The following ATXN1 variants were observed in gnomAD, a reference collection of about 807,000 sequenced individuals.
ATXN1 encodes ataxin 1, also known as ataxin-1.
Under a neutral mutation model 56.4 loss-of-function variants are expected in ATXN1, and 8 were observed. The ratio of observed to expected loss-of-function variants is 0.14; its 90% CI spans 0.08 to 0.26. The LOEUF (loss-of-function observed/expected upper bound fraction) is 0.26. Ranked by LOEUF, ATXN1 falls within the 10% of genes least tolerant of loss-of-function variation. The pLI, the probability that ATXN1 is intolerant of heterozygous loss-of-function variation, is 1.00. For synonymous variants in ATXN1, 514 were observed against 494.6 expected (o/e 1.04, Z -0.52); for missense variants, 987 against 1,106.5 (o/e 0.89, Z 1.53).
intron 2 of ATXN1, among the ~76,000 whole-genome samples, chr6:16,732,388 T>C (rs1009638286): frequency 2.0e-5 from 3 of 152,110 alleles, no homozygotes; most frequent in African/African-American, 7.2e-5. Flanking sequence ...CTGGCCAACA[T>C]GGTGAAACCC....
At chr6:16,732,118 C>T (rs2113487307) in intron 2 of ATXN1, among the ~76,000 whole-genome samples, 1 of 152,130 alleles carries the variant, frequency 6.6e-6, no homozygotes, top group African/African-American at 2.4e-5. Context: ...GCTCTTTTTT[C>T]ATATTTGAAG....
chr6:16,666,241 T>C (rs1489726687), intron 2 of ATXN1, among the ~76,000 whole-genome samples: 1 of 152,218 alleles, frequency 6.6e-6, no homozygotes, highest in African/African-American at 2.4e-5. Flanking sequence ...GTGATATTTG[T>C]CTTTCTGTGC....
chr6:16,581,918 C>A (rs189801967), intron 4 of ATXN1, among the ~76,000 whole-genome samples: 16 of 152,324 alleles, frequency 1.1e-4, no homozygotes, highest in Non-Finnish European at 1.8e-4. Flanking sequence ...AAGTAAAAGA[C>A]TCATTTCACA....
intron 6 of ATXN1, among the ~76,000 whole-genome samples, chr6:16,409,756 C>T (rs184906810): frequency 1.5e-4 from 23 of 152,020 alleles, no homozygotes; most frequent in Middle Eastern, 3.4e-3. Context: ...AGCTTCCAGA[C>T]GTGCAGAATC....
intron 2 of ATXN1, among the ~76,000 whole-genome samples, chr6:16,701,773 A>G (rs2113438157): frequency 6.6e-6 from 1 of 152,352 alleles, no homozygotes; most frequent in East Asian, 1.9e-4. Context: ...AATCCAACTT[A>G]CAAGGGATGT....
intron 6 of ATXN1, among the ~76,000 whole-genome samples, chr6:16,476,946 C>T (rs1249217205): frequency 2.6e-5 from 4 of 152,188 alleles, no homozygotes; most frequent in Admixed American, 1.3e-4. Flanking sequence ...GCAATTATCT[C>T]GACTTGAGTG....
intron 4 of ATXN1, among the ~76,000 whole-genome samples, chr6:16,542,901 G>GGT (rs1318800614): frequency 6.6e-6 from 1 of 151,992 alleles, no homozygotes; most frequent in Non-Finnish European, 1.5e-5. Context: ...ATGTGAATGT[G>GGT]GTGTCTCTCT....
intron 6 of ATXN1, among the ~76,000 whole-genome samples, chr6:16,399,132 T>C (rs1328503840): frequency 6.6e-6 from 1 of 152,224 alleles, no homozygotes; most frequent in East Asian, 1.9e-4. Flanking sequence ...ATTTTTGAGA[T>C]TGTCAATGGA....
intron 2 of ATXN1, among the ~76,000 whole-genome samples, chr6:16,699,445 G>A (rs1027701073): frequency 2.6e-5 from 4 of 152,186 alleles, no homozygotes; most frequent in South Asian, 2.1e-4. Context: ...AAACATGTCC[G>A]GCTGAATTCA....
intron 6 of ATXN1, among the ~76,000 whole-genome samples, chr6:16,484,642 T>A (rs1018721650): frequency 5.3e-5 from 8 of 152,094 alleles, no homozygotes; most frequent in Non-Finnish European, 5.9e-5. Flanking sequence ...AGCTTCAGTG[T>A]CTCCCACTGT....
At chr6:16,660,728 C>A (rs1405030251) in intron 2 of ATXN1, among the ~76,000 whole-genome samples, 1 of 150,184 alleles carries the variant, frequency 6.7e-6, no homozygotes, top group Admixed American at 6.7e-5. Flanking sequence ...CTAAGTATAT[C>A]TTTATTCAAA....
chr6:16,661,454 T>C (rs185438613), intron 2 of ATXN1, among the ~76,000 whole-genome samples: 15 of 152,334 alleles, frequency 9.8e-5, no homozygotes, highest in Admixed American at 8.5e-4. Flanking sequence ...TAAGGGCTCA[T>C]TTGGTCTGAT....
At chr6:16,443,282 AAAAATGGT>A (rs1260509505) in intron 6 of ATXN1, among the ~76,000 whole-genome samples, 1 of 151,800 alleles carries the variant, frequency 6.6e-6, no homozygotes, top group Non-Finnish European at 1.5e-5. Context: ...AGATATGCCT[AAAAATGGT>A]AAAAAGGAGA....
In ATXN1 at chr6:16,327,678, A is replaced by ATGCTGATGCTGCTGC; in HGVS notation, c.618_632dup (p.Gln206_Gln210dup). ...GCTGCTGCTGCTGCTGCTGCTGCTG[A>ATGCTGATGCTGCTGC]TGCTGATGCTGCTGCTGCTGCTGCT... On this transcript the variant is annotated inframe_insertion, in exon 7 of 8. Transcript: ENST00000436367. 2 of 1,009,256 alleles carry ATGCTGATGCTGCTGC rather than the reference A, an allele frequency of 2.0e-6. No homozygotes were observed. The allele number at this position is 1,009,256 out of a possible 1,614,324, so 62.5% of individuals were successfully genotyped here.
intron 6 of ATXN1, among the ~76,000 whole-genome samples, chr6:16,425,582 A>G (rs1759136056): frequency 6.6e-6 from 1 of 152,228 alleles, no homozygotes; most frequent in Admixed American, 6.5e-5. Context: ...AAAACAATTC[A>G]GTTGTAATCT....
chr6:16,733,624 G>T (rs1760043710), intron 2 of ATXN1, among the ~76,000 whole-genome samples: 1 of 152,046 alleles, frequency 6.6e-6, no homozygotes, highest in Admixed American at 6.5e-5. Context: ...CCGGTACTTT[G>T]GGAGGCCGAG....
In ATXN1 at chr6:16,326,976, C is replaced by T. The variant is rs973429228; in HGVS notation, c.1335G>A (p.Pro445=). 14 of 1,614,004 alleles carry T rather than the reference C, an allele frequency of 8.7e-6. No homozygotes were observed. The highest frequency in any genetic ancestry group is 1.6e-4 in the Middle Eastern group (1 of 6,084). The change falls in exon 7 of 8, where the codon CCG becomes CCA. Residue 445 remains proline, a synonymous_variant. Coordinates refer to ENST00000436367, the MANE Select transcript of ATXN1 (RefSeq NM_001128164.2). The surrounding 1 kb of genome is among the most constrained non-coding windows in gnomAD (Gnocchi z 6.6). ...AGAAGGCCGTGGCTGGCAGTCCCAC[C>T]GGGAGTGGCTCTGAAGCACTGTGTG... is the stretch of plus-strand genomic sequence containing the variant. ...QTTHSASEPL[P]VGLPATAFYA...
chr6:16,605,348 A>G (rs1257444036), intron 3 of ATXN1, among the ~76,000 whole-genome samples: 1 of 152,198 alleles, frequency 6.6e-6, no homozygotes, highest in Non-Finnish European at 1.5e-5. Flanking sequence ...AGATGTAGAC[A>G]CCGAGGCTTA....
In ATXN1 at chr6:16,566,146, T is replaced by G. The variant is rs1762212327; in HGVS notation, c.-361+19634A>C. ...AATAAAGCTTTCATGTATCTCTATG[T>G]GAAAAAAATAGCCTAGAAATCTGTA... On this transcript the variant is annotated intron_variant, in intron 4 of 7. Transcript: ENST00000436367. Among the ~76,000 whole-genome samples, 6 of 152,312 alleles carry G rather than the reference T, an allele frequency of 3.9e-5. No homozygotes were observed. In the South Asian group the frequency reaches 1.2e-3, roughly 32 times the overall value.
Sources: allele counts gnomAD v4.1 joint callset (sites outside exome capture counted in the v4.1 genomes callset), GRCh38; gene constraint gnomAD v4.1.1; non-coding constraint Gnocchi (gnomAD v3.1); transcripts MANE v1.5; gene names NCBI Gene and HGNC (gene_info 2026-07-23, HGNC 2026-07-21).